TMEM41B: variants seen among roughly 807,000 people sequenced by gnomAD.
The protein encoded by TMEM41B is transmembrane protein 41B, also known as protein stasimon.
Under a neutral mutation model 31.9 loss-of-function variants are expected in TMEM41B, and 18 were observed. The observed-to-expected ratio is 0.56, with a 90% CI of 0.39 to 0.84. TMEM41B has a LOEUF of 0.84. TMEM41B is among the 40% of genes least tolerant of loss of function. TMEM41B has a pLI of 0.00. For missense variants in TMEM41B, 322 were observed against 348.0 expected (o/e 0.93, Z 0.59); for synonymous variants, 144 against 124.3 (o/e 1.16, Z -1.05).
At chr11:9,292,322 TTTG>T (rs1236546912) in intron 3 of TMEM41B, among the ~76,000 whole-genome samples, 1 of 152,200 alleles carries the variant, frequency 6.6e-6, no homozygotes, top group Non-Finnish European at 1.5e-5. Flanking sequence ...TGAGCTTAAC[TTTG>T]TTTAGATTTC....
intron 1 of TMEM41B, among the ~76,000 whole-genome samples, chr11:9,310,380 G>T (rs1853526859): frequency 1.5e-5 from 2 of 130,188 alleles, no homozygotes; most frequent in African/African-American, 5.2e-5. Flanking sequence ...ATAACTCAAG[G>T]AAAGATTAAA....
chr11:9,312,632 G>A (rs1011533437), intron 1 of TMEM41B, among the ~76,000 whole-genome samples: 134 of 152,172 alleles, frequency 8.8e-4, no homozygotes, highest in African/African-American at 3.2e-3. Context: ...TAGGCCAGGC[G>A]TGGTGGCTCA....
intron 1 of TMEM41B, among the ~76,000 whole-genome samples, chr11:9,309,747 C>G (rs1486077529): frequency 1.3e-5 from 2 of 150,908 alleles, no homozygotes; most frequent in Non-Finnish European, 2.9e-5. Context: ...ATGGTGAAAC[C>G]CCATCTCTAC....
At chr11:9,310,368 A>G (rs912644247) in intron 1 of TMEM41B, among the ~76,000 whole-genome samples, 2 of 148,004 alleles carry the variant, frequency 1.4e-5, no homozygotes, top group Non-Finnish European at 3.0e-5. Context: ...CACAAAATCT[A>G]TATAACTCAA....
At position 9,314,585 on chromosome 11, in the gene TMEM41B, G is replaced by T; in HGVS notation, c.-144C>A. ...TCACCCGAGACGACCTCAGCCCAGCGAGTACTGCAACCTCCTGCAAACACC... is the reference window on the plus strand; with the variant it reads ...TCACCCGAGACGACCTCAGCCCAGCTAGTACTGCAACCTCCTGCAAACACC... On this transcript the variant is annotated 5_prime_UTR_variant, in exon 1 of 7. Coordinates refer to ENST00000528080, the MANE Select transcript of TMEM41B (RefSeq NM_015012.4). 8.4e-7 allele frequency: 1 copy of T among 1,190,898 alleles called. No individual in the cohort carries two copies. The highest frequency in any genetic ancestry group is 1.1e-6 in the Non-Finnish European group (1 of 877,832). The allele number at this position is 1,190,898 out of a possible 1,614,324, so 73.8% of individuals were successfully genotyped here. A position where few individuals can be genotyped will look rare whatever the true frequency, so the allele number is the denominator to read the frequency against.
chr11:9,307,524 C>T (rs763279235), intron 1 of TMEM41B, among the ~76,000 whole-genome samples: 5 of 151,536 alleles, frequency 3.3e-5, no homozygotes, highest in Non-Finnish European at 7.4e-5. Flanking sequence ...CTTACCACAA[C>T]CTCCGTCTCC....
chr11:9,307,924 A>G (rs1057016019), intron 1 of TMEM41B, among the ~76,000 whole-genome samples: 8 of 150,728 alleles, frequency 5.3e-5, no homozygotes, highest in African/African-American at 2.0e-4. Flanking sequence ...AATTTTTTGT[A>G]TTTTTAGTAG....
intron 2 of TMEM41B, among the ~76,000 whole-genome samples, chr11:9,296,883 A>C (rs1853103452): frequency 6.6e-6 from 1 of 151,738 alleles, no homozygotes; most frequent in African/African-American, 2.4e-5. Flanking sequence ...TCGAATAATC[A>C]CCTTTGTGTT....
chr11:9,311,646 G>A (rs1337610850), intron 1 of TMEM41B: 3 of 867,532 alleles, frequency 3.5e-6, no homozygotes, highest in Admixed American at 4.1e-5. Context: ...AATGTTGGGT[G>A]GATATGGATT....
In TMEM41B at chr11:9,295,380, T is replaced by C. The variant is rs771434434; in HGVS notation, c.247A>G (p.Arg83Gly). 4.4e-6 allele frequency: 7 copies of C among 1,574,788 alleles called. No homozygotes were observed. In the South Asian group the frequency reaches 8.3e-5, roughly 19 times the overall value. ...TCTCTGGGAACCTTCATATTCACTC[T>C]TTCTTCTCTGAAGAAATAAAGTGAA... ...KNFPQLSEEE[R>G]VNMKVPRDMD... Residue 83 changes from arginine (R) to glycine (G), a missense_variant, in exon 3 of 7, where the codon AGA (arginine) becomes GGA (glycine). Physicochemically the swap from Arg to Gly is moderately radical, Grantham distance 125. Transcript: ENST00000528080.
At chr11:9,287,960 T>TGA (rs1852873606) in intron 4 of TMEM41B, 154 bp from the exon 5 acceptor site, 1 of 635,816 alleles carries the variant, frequency 1.6e-6, no homozygotes, top group African/African-American at 1.9e-5. Context: ...ATCTAGTACT[T>TGA]TCTCAGACCA....
intron 1 of TMEM41B, among the ~76,000 whole-genome samples, chr11:9,305,221 G>C (rs961286221): frequency 6.6e-6 from 1 of 152,048 alleles, no homozygotes; most frequent in Non-Finnish European, 1.5e-5. Flanking sequence ...TATAAGTATT[G>C]AGTTTTCTGT....
At chr11:9,306,589 G>A (rs1283688510) in intron 1 of TMEM41B, among the ~76,000 whole-genome samples, 2 of 152,086 alleles carry the variant, frequency 1.3e-5, no homozygotes, top group Non-Finnish European at 1.5e-5. Context: ...AGGATGCTGA[G>A]GCAGGAAATC....
chr11:9,312,585 C>G (rs1051764540), intron 1 of TMEM41B, among the ~76,000 whole-genome samples: 3 of 152,104 alleles, frequency 2.0e-5, no homozygotes, highest in Admixed American at 6.6e-5. Context: ...GATTTGTGAT[C>G]TATAGATGTC....
chr11:9,314,525 G>A lies in TMEM41B; in HGVS notation c.-84C>T, dbSNP rs1853646893. On this transcript the variant is annotated 5_prime_UTR_variant, in exon 1 of 7. Transcript: ENST00000528080. ...GTTGCAGGCTCCTTACTACGCCGAA[G>A]CGCCACGGCTAGAGCCACTTCCGGC... 2.7e-6 allele frequency: 4 copies of A among 1,454,912 alleles called. No homozygotes were observed. In the East Asian group the frequency reaches 1.1e-4, roughly 38 times the overall value. 90.1% of individuals were successfully genotyped at this position (1,454,912 alleles called of 1,614,324 possible).
In TMEM41B at chr11:9,282,078, T is replaced by A. The variant is rs1321352245; in HGVS notation, c.*1346A>T. 1 of 152,128 alleles carries A rather than the reference T, an allele frequency of 6.6e-6. No individual in the cohort carries two copies. The highest frequency in any genetic ancestry group is 6.6e-5 in the Admixed American group (1 of 15,266). 9.4% of individuals were successfully genotyped at this position (152,128 alleles called of 1,614,324 possible). Reference sequence around the variant, plus strand: ...AAAGAGCCATAACAAATTATCTGAATATAAATTATCAATACCAGGCTGGGC... The same window carrying A: ...AAAGAGCCATAACAAATTATCTGAAAATAAATTATCAATACCAGGCTGGGC... On this transcript the variant is annotated 3_prime_UTR_variant, in exon 7 of 7. Transcript: ENST00000528080.
At chr11:9,310,907 A>T (rs548863223) in intron 1 of TMEM41B, among the ~76,000 whole-genome samples, 1 of 152,330 alleles carries the variant, frequency 6.6e-6, no homozygotes, top group South Asian at 2.1e-4. Context: ...ATTACAAAAA[A>T]GATAGAGGTT....
intron 2 of TMEM41B, among the ~76,000 whole-genome samples, chr11:9,298,552 G>T (rs1853157527): frequency 6.6e-6 from 1 of 151,888 alleles, no homozygotes; most frequent in Non-Finnish European, 1.5e-5. Flanking sequence ...ATCACTTGAG[G>T]CCAGGAGTTT....
At chr11:9,288,747 G>A (rs1263834424) in intron 3 of TMEM41B, among the ~76,000 whole-genome samples, 1 of 152,110 alleles carries the variant, frequency 6.6e-6, no homozygotes, top group Non-Finnish European at 1.5e-5. Flanking sequence ...AAAACCGTAT[G>A]TTCTAGATAG....
Sources: gnomAD v4.1 joint callset for allele counts (sites outside exome capture counted in the v4.1 genomes callset) on GRCh38, gnomAD v4.1.1 for gene constraint, MANE v1.5 for transcripts, NCBI Gene and HGNC (gene_info 2026-07-23, HGNC 2026-07-21) for gene names.